Variants in OXSR1 observed in about 807,000 individuals in gnomAD.
OXSR1 encodes the protein serine/threonine-protein kinase OSR1.
OXSR1 carries 24 observed loss-of-function variants against 79.8 expected under a neutral mutation model. The observed-to-expected ratio is 0.30, with a 90% CI of 0.22 to 0.42. The LOEUF (loss-of-function observed/expected upper bound fraction) is 0.42, where lower values mean the gene tolerates loss of function less well. OXSR1 is among the 10% of genes least tolerant of loss of function. OXSR1 has a pLI of 1.00. For missense variants in OXSR1, 430 were observed against 618.4 expected (o/e 0.70, Z 3.23); for synonymous variants, 226 against 209.2 (o/e 1.08, Z -0.69).
At chr3:38,198,299 C>T (rs1471126491) in intron 3 of OXSR1, among the ~76,000 whole-genome samples, 1 of 152,140 alleles carries the variant, frequency 6.6e-6, no homozygotes, top group Non-Finnish European at 1.5e-5. Flanking sequence ...CCAAGTATTT[C>T]GCTCCTGATT....
rs1258246873 is a variant in OXSR1 at position 38,190,777 on chromosome 3, C to A, written c.230C>A (p.Ser77Tyr). ...MSQCHHPNIV[S>Y]YYTSFVVKDE... ...CAATGCCATCATCCTAATATTGTAT[C>A]TTACTACACATCTTTTGTGGTAAAA... Residue 77 changes from serine (S) to tyrosine (Y), a missense_variant, in exon 3 of 18, where the codon TCT (serine) becomes TAT (tyrosine). Ser to Tyr is a moderately radical substitution (Grantham distance 144, BLOSUM62 -2). Around this residue, in one of 3 missense-constraint regions of OXSR1, gnomAD observed 145 missense variants for 228.3 expected, o/e 0.64. Coordinates refer to ENST00000311806, the MANE Select transcript of OXSR1 (RefSeq NM_005109.3). 1 of 1,609,586 alleles carries A rather than the reference C, an allele frequency of 6.2e-7. No homozygotes were observed. The highest frequency in any genetic ancestry group is 1.7e-5 in the Admixed American group (1 of 59,906).
At chr3:38,229,321 A>C (rs1238562021) in intron 8 of OXSR1, among the ~76,000 whole-genome samples, 1 of 151,988 alleles carries the variant, frequency 6.6e-6, no homozygotes, top group African/African-American at 2.4e-5. Context: ...CCTTGCTAAA[A>C]ATGTTAGATA....
chr3:38,173,801 A>G (rs1277165793), intron 1 of OXSR1, among the ~76,000 whole-genome samples: 2 of 152,228 alleles, frequency 1.3e-5, no homozygotes, highest in African/African-American at 4.8e-5. Context: ...AGATAAAACA[A>G]TGAAGCAAAC....
At chr3:38,181,382 G>T in intron 1 of OXSR1, among the ~76,000 whole-genome samples, 1 of 138,160 alleles carries the variant, frequency 7.2e-6, no homozygotes. Context: ...TTGAGACAGA[G>T]TCTCACTCTG....
chr3:38,201,959 G>T (rs1169956937), intron 4 of OXSR1, among the ~76,000 whole-genome samples: 1 of 152,230 alleles, frequency 6.6e-6, no homozygotes. Context: ...GCAACTTGTA[G>T]AACAAAGGGA....
intron 1 of OXSR1, 36 bp from the exon 2 acceptor site, chr3:38,182,967 A>T (rs530008502): frequency 9.2e-7 from 1 of 1,089,518 alleles, no homozygotes; most frequent in African/African-American, 1.6e-5. Context: ...TTATATATCC[A>T]TCTACTTATT....
Position 38,224,266 on chromosome 3 carries a change from G to T in OXSR1, c.703-305G>T, listed in dbSNP as rs34123407. 0.034 allele frequency among the ~76,000 whole-genome samples: 5,221 copies of T among 152,216 alleles called. 278 individuals are homozygous for T. Among genetic ancestry groups the T allele is most frequent in the African/African-American group, 0.12 (4,821 of 41,476 alleles). ...GTAGAATCACACAGTGTTTATCTTT[G>T]CATGGCTAGCGTAATGTCCCCAAGT... On this transcript the variant is annotated intron_variant, in intron 7 of 17. Coordinates refer to ENST00000311806, the MANE Select transcript of OXSR1 (RefSeq NM_005109.3).
At chr3:38,245,969 C>A in intron 12 of OXSR1, 106 bp from the exon 13 acceptor site, 1 of 995,838 alleles carries the variant, frequency 1.0e-6, no homozygotes, top group Non-Finnish European at 1.6e-6. Flanking sequence ...GTACACTACC[C>A]AAAAACTACT....
intron 6 of OXSR1, 51 bp downstream of exon 6, chr3:38,221,738 C>T (rs3016005): frequency 9.3e-7 from 1 of 1,075,790 alleles, no homozygotes; most frequent in Non-Finnish European, 1.4e-6. Context: ...TGTTTTGAAA[C>T]TGAAAAAACT....
Position 38,253,895 on chromosome 3 carries a change from G to T in OXSR1, c.*1004G>T. The T allele has an allele frequency of 3.5e-6, 1 of 284,480 alleles. No homozygotes were observed. Among genetic ancestry groups the T allele is most frequent in the Non-Finnish European group, 6.5e-6 (1 of 154,104 alleles). The allele number at this position is 284,480 out of a possible 1,614,324, so 17.6% of individuals were successfully genotyped here. ...TGCTCTCCTGCACTGACCCTTTGGA[G>T]GGGGTCTCTGTGTGCTGAAGCTAAC... On this transcript the variant is annotated 3_prime_UTR_variant, in exon 18 of 18. Transcript: ENST00000311806.
chr3:38,242,944 C>G (rs1056814534), intron 12 of OXSR1, among the ~76,000 whole-genome samples, 166 bp downstream of exon 12: 4 of 152,044 alleles, frequency 2.6e-5, no homozygotes, highest in African/African-American at 9.7e-5. Flanking sequence ...TCTTCCTTGC[C>G]TCTTTGATTT....
intron 1 of OXSR1, among the ~76,000 whole-genome samples, chr3:38,182,084 T>C (rs1208297975): frequency 2.0e-5 from 3 of 152,218 alleles, no homozygotes; most frequent in Non-Finnish European, 4.4e-5. Context: ...AAGTTTAGTG[T>C]ATAGCTCTTG....
In OXSR1 at chr3:38,253,009, C is replaced by T; in HGVS notation, c.*118C>T. 1 of 710,866 alleles carries T rather than the reference C, an allele frequency of 1.4e-6. No individual in the cohort carries two copies. Among genetic ancestry groups the T allele is most frequent in the Non-Finnish European group, 2.4e-6 (1 of 411,590 alleles). The allele number at this position is 710,866 out of a possible 1,614,324, so 44.0% of individuals were successfully genotyped here. On this transcript the variant is annotated 3_prime_UTR_variant, in exon 18 of 18. Coordinates refer to ENST00000311806, the MANE Select transcript of OXSR1 (RefSeq NM_005109.3). ...CAGCAACAAACCTCCCGGCTAGGAG[C>T]TTTAGAAGTCTTTATGTTCTTCCTG...
intron 1 of OXSR1, among the ~76,000 whole-genome samples, chr3:38,167,669 C>A (rs1223514096): frequency 6.6e-6 from 1 of 152,186 alleles, no homozygotes; most frequent in Admixed American, 6.5e-5. Context: ...ATAAAGACAT[C>A]ACATCTTTGC....
rs752894235 is a variant in OXSR1, at chr3:38,246,186, C to T, written c.1222C>T (p.Leu408Phe). The T allele has an allele frequency of 2.2e-5, 35 of 1,613,698 alleles. No individual in the cohort carries two copies. The highest frequency in any genetic ancestry group is 4.0e-5 in the African/African-American group (3 of 74,894). Residue 408 changes from leucine to phenylalanine, a missense_variant, in exon 13 of 18, where the codon CTC becomes TTC. Physicochemically the swap from Leu to Phe is conservative, Grantham distance 22. Around this residue, in one of 3 missense-constraint regions of OXSR1, gnomAD observed 276 missense variants for 354.2 expected, o/e 0.78. Coordinates refer to ENST00000311806, the MANE Select transcript of OXSR1 (RefSeq NM_005109.3). ...TGCTACACAGCCAACTCAAGTCTCTCTCCCACCCACCGCAGAGCCAGCAAA... is the reference window on the plus strand; with the variant it reads ...TGCTACACAGCCAACTCAAGTCTCTTTCCCACCCACCGCAGAGCCAGCAAA... The part of the protein sequence containing the change: ...QIATQPTQVS[L>F]PPTAEPAKTA...
chr3:38,247,741 A>G lies in OXSR1; in HGVS notation c.1322+9A>G. 1 of 1,592,514 alleles carries G rather than the reference A, an allele frequency of 6.3e-7. No homozygotes were observed. The highest frequency in any genetic ancestry group is 8.6e-7 in the Non-Finnish European group (1 of 1,160,974). On this transcript the variant is annotated intron_variant, in intron 14 of 17. Transcript: ENST00000311806. ...CTAGTACTAAGATTAAGGTAAGTAG[A>G]CATTTTTTGTTTTGTTTTCTTTTGT...
At chr3:38,244,793 A>G (rs938054804) in intron 12 of OXSR1, among the ~76,000 whole-genome samples, 1 of 151,958 alleles carries the variant, frequency 6.6e-6, no homozygotes, top group Non-Finnish European at 1.5e-5. Context: ...CCCTGCTTTC[A>G]ATTCTTTGGG....
chr3:38,164,190 T>C (rs963016290), upstream of OXSR1, among the ~76,000 whole-genome samples: 1 of 152,136 alleles, frequency 6.6e-6, no homozygotes, highest in African/African-American at 2.4e-5. Context: ...TCTGAGACGG[T>C]GTCTCCGTCT....
At chr3:38,231,878 A>T (rs1219219268) in intron 10 of OXSR1, among the ~76,000 whole-genome samples, 1 of 151,954 alleles carries the variant, frequency 6.6e-6, no homozygotes, top group African/African-American at 2.4e-5. Context: ...AAGCCAAGGC[A>T]GGTGGATCAC....
Sources: allele counts gnomAD v4.1 joint callset (sites outside exome capture counted in the v4.1 genomes callset), GRCh38; gene constraint gnomAD v4.1.1; regional missense constraint gnomAD v4.1.1; transcripts MANE v1.5; gene names NCBI Gene and HGNC (gene_info 2026-07-23, HGNC 2026-07-21).